BPTF: variants seen among roughly 807,000 people sequenced by gnomAD.
BPTF encodes nucleosome-remodeling factor subunit BPTF.
Under a neutral mutation model 292.5 loss-of-function variants are expected in BPTF, and 18 were observed. That is an observed-to-expected ratio of 0.06 (90% CI 0.04 to 0.09). The LOEUF is 0.09. Among genes scored for constraint, BPTF ranks in the 10% least tolerant of loss-of-function variants. The pLI is 1.00. For synonymous variants in BPTF, 1,225 were observed against 1,251.9 expected, an observed-to-expected ratio of 0.98 and a Z score of 0.45; for missense variants, 2,726 against 3,498.7, an observed-to-expected ratio of 0.78 and a Z score of 5.57.
chr17:67,878,546 T>C (rs535593667), intron 4 of BPTF, among the ~76,000 whole-genome samples: 4 of 152,152 alleles, frequency 2.6e-5, no homozygotes, highest in Non-Finnish European at 5.9e-5. Context: ...TTGCTAACAC[T>C]GGGTATCATC....
intron 4 of BPTF, chr17:67,886,424 T>A: frequency 2.7e-6 from 2 of 738,470 alleles, no homozygotes; most frequent in Non-Finnish European, 3.9e-6. Flanking sequence ...TTTTAGTTTT[T>A]AATTTTTTAA....
At position 67,893,355 on chromosome 17, in the gene BPTF, T is replaced by A; in HGVS notation, c.2056-15T>A. On this transcript the variant is annotated splice_polypyrimidine_tract_variant and intron_variant, in intron 5 of 27. Coordinates refer to ENST00000306378, the MANE Select transcript of BPTF (RefSeq NM_182641.4). ...ATTGACATAAATAATGCAGTCTTTT[T>A]ATTTTTTTGGTCAGGTACTGGTAGT... is the stretch of plus-strand genomic sequence containing the variant. 6.6e-7 allele frequency: 1 copy of A among 1,521,972 alleles called. No individual in the cohort carries two copies. Among genetic ancestry groups the A allele is most frequent in the South Asian group, 1.1e-5 (1 of 88,086 alleles). 94.3% of individuals were successfully genotyped at this position (1,521,972 alleles called of 1,614,324 possible). A position where few individuals can be genotyped will look rare whatever the true frequency, so the allele number is the denominator to read the frequency against.
chr17:67,932,392 A>G (rs2064476333), intron 18 of BPTF, among the ~76,000 whole-genome samples: 1 of 152,226 alleles, frequency 6.6e-6, no homozygotes, highest in Admixed American at 6.5e-5. Flanking sequence ...AATACATTAA[A>G]ACTACCATTT....
chr17:67,916,915 G>C (rs905812361), intron 11 of BPTF, among the ~76,000 whole-genome samples: 4 of 152,032 alleles, frequency 2.6e-5, no homozygotes, highest in Non-Finnish European at 5.9e-5. Context: ...TAAGTAGAGT[G>C]AAAATGTCAA....
chr17:67,839,608 AT>A lies in BPTF; in HGVS notation c.613+13272del, dbSNP rs552484360. Among the ~76,000 whole-genome samples the A allele has an allele frequency of 1.5e-3, 229 of 152,270 alleles. 1 individual carries two copies. The highest frequency in any genetic ancestry group is 5.3e-3 in the African/African-American group (220 of 41,558). On this transcript the variant is annotated intron_variant, in intron 1 of 27. Transcript: ENST00000306378. The stretch of plus-strand genomic sequence containing the variant: ...ACAGTGCATAATGTATTTGAGATTC[AT>A]CTATGTTGTTGTGTGTATCAGTAGT...
At chr17:67,963,823 C>A (rs2067742883) in intron 24 of BPTF, among the ~76,000 whole-genome samples, 2 of 152,090 alleles carry the variant, frequency 1.3e-5, no homozygotes, top group Admixed American at 1.3e-4. Flanking sequence ...TGAAATGGTG[C>A]TTTATTGTAG....
chr17:67,874,167 T>C (rs769526468), intron 3 of BPTF, among the ~76,000 whole-genome samples: 52 of 152,240 alleles, frequency 3.4e-4, no homozygotes, highest in Admixed American at 1.2e-3. Context: ...CGTACTGATA[T>C]ACCGTGTGTT....
intron 24 of BPTF, among the ~76,000 whole-genome samples, chr17:67,963,106 A>C (rs1282961841): frequency 1.1e-4 from 17 of 152,126 alleles, no homozygotes; most frequent in African/African-American, 4.1e-4. Context: ...TTCACTAAGC[A>C]GTGTACTTGT....
At chr17:67,936,205 T>TTTG (rs1022871562) in intron 18 of BPTF, among the ~76,000 whole-genome samples, 4 of 152,186 alleles carry the variant, frequency 2.6e-5, no homozygotes, top group Non-Finnish European at 4.4e-5. Context: ...AGCAGGGTTT[T>TTTG]TTGTTGTTGT....
chr17:67,962,621 G>A (rs1235581770), intron 24 of BPTF, among the ~76,000 whole-genome samples: 28 of 152,186 alleles, frequency 1.8e-4, no homozygotes, highest in African/African-American at 6.5e-4. Context: ...AGTTAGCCAG[G>A]CCACTGCCCA....
At chr17:67,907,842 G>A (rs1325300865) in intron 9 of BPTF, among the ~76,000 whole-genome samples, 1 of 152,072 alleles carries the variant, frequency 6.6e-6, no homozygotes, top group Non-Finnish European at 1.5e-5. Context: ...TTAATAATCT[G>A]ATTCTCAGTC....
intron 1 of BPTF, among the ~76,000 whole-genome samples, chr17:67,827,121 A>G (rs567635871): frequency 4.6e-5 from 7 of 152,282 alleles, no homozygotes; most frequent in Admixed American, 2.6e-4. Flanking sequence ...GCGCGTCTTA[A>G]CTCATTTGAT....
In BPTF at chr17:67,967,548, G is replaced by A. The variant is rs1431448731; in HGVS notation, c.8539+892G>A. 7.2e-5 allele frequency among the ~76,000 whole-genome samples: 11 copies of A among 152,106 alleles called. No individual in the cohort carries two copies. The East Asian group carries it at 1.2e-3, about 16-fold the overall frequency. ...TAATTACAAAAACATTGGAAATGGC[G>A]GGGTGGCTCACGCTGGAATCCCAGC... On this transcript the variant is annotated intron_variant, in intron 26 of 27. Transcript: ENST00000306378.
Position 67,854,400 on chromosome 17 carries a change from G to T in BPTF, c.1074G>T (p.Glu358Asp). 3 of 1,614,174 alleles carry T rather than the reference G, an allele frequency of 1.9e-6. No individual in the cohort carries two copies. Among genetic ancestry groups the T allele is most frequent in the Non-Finnish European group, 2.5e-6 (3 of 1,180,022 alleles). ...EAEDYPYGPV[E>D]NKIKVLQFLV... ...AGGACTACCCATATGGACCAGTAGA[G>T]AACAAGATCAAAGTTCTACAGTTTC... Residue 358 changes from glutamate to aspartate, a missense_variant, in exon 2 of 28, where the codon GAG (glutamate) becomes GAT (aspartate). This residue lies in a region of BPTF where 102 missense variants were observed against 212.6 expected (regional missense o/e 0.48). Transcript: ENST00000306378. The surrounding 1 kb of genome is among the most constrained non-coding windows in gnomAD (Gnocchi z 5.6).
At chr17:67,863,588 A>G (rs1215370277) in intron 2 of BPTF, among the ~76,000 whole-genome samples, 1 of 152,112 alleles carries the variant, frequency 6.6e-6, no homozygotes, top group Non-Finnish European at 1.5e-5. Flanking sequence ...CCGGCCCATT[A>G]CCTTCTTTTC....
intron 13 of BPTF, among the ~76,000 whole-genome samples, chr17:67,921,187 G>C (rs1286033323): frequency 2.2e-5 from 3 of 134,394 alleles, no homozygotes; most frequent in Non-Finnish European, 4.7e-5. Flanking sequence ...TCCAGTCTGG[G>C]TAACAGATTG....
At position 67,893,664 on chromosome 17, in the gene BPTF, A is replaced by G. The variant is rs542282351; in HGVS notation, c.2350A>G (p.Ile784Val). The G allele has an allele frequency of 1.6e-5, 25 of 1,612,104 alleles. No homozygotes were observed. The highest frequency in any genetic ancestry group is 3.3e-5 in the South Asian group (3 of 90,876). Residue 784 changes from isoleucine (I) to valine (V), a missense_variant, in exon 6 of 28, where the codon ATC becomes GTC. Physicochemically the swap from Ile to Val is conservative, Grantham distance 29. This residue lies in a region of BPTF where 99 missense variants were observed against 227.1 expected (regional missense o/e 0.44). Coordinates refer to ENST00000306378, the MANE Select transcript of BPTF (RefSeq NM_182641.4). ...VLTISTLRLTITQLENNIPSS... is the reference protein window; with the variant it reads ...VLTISTLRLTVTQLENNIPSS... The stretch of plus-strand genomic sequence containing the variant: ...TACCATATCTACTCTGAGACTGACT[A>G]TCACCCAATTAGAAAACAACATCCC...
chr17:67,971,883 T>G (rs1267802141), intron 26 of BPTF, among the ~76,000 whole-genome samples: 1 of 151,938 alleles, frequency 6.6e-6, no homozygotes, highest in Non-Finnish European at 1.5e-5. Context: ...TTGAACCAGC[T>G]TCCACTAATA....
In BPTF at chr17:67,874,828, G is replaced by A; in HGVS notation, c.1672G>A (p.Glu558Lys). Residue 558 changes from glutamate (E) to lysine (K), a missense_variant, in exon 4 of 28, where the codon GAA (glutamate) becomes AAA (lysine). Glu to Lys is a moderately conservative substitution (Grantham distance 56). This residue lies in a region of BPTF where 187 missense variants were observed against 201.5 expected (regional missense o/e 0.93). Transcript: ENST00000306378. ...FLAAANEEIL[E>K]SIRAKKGDID... The stretch of plus-strand genomic sequence containing the variant: ...TTTACACATTATAGAAGAAATTTTG[G>A]AATCCATAAGAGCCAAAAAGGGAGA... 1 of 1,604,254 alleles carries A rather than the reference G, an allele frequency of 6.2e-7. No individual in the cohort carries two copies. Among genetic ancestry groups the A allele is most frequent in the Non-Finnish European group, 8.5e-7 (1 of 1,177,380 alleles).
Sources: allele counts gnomAD v4.1 joint callset (sites outside exome capture counted in the v4.1 genomes callset), GRCh38; gene constraint gnomAD v4.1.1; regional missense constraint gnomAD v4.1.1; non-coding constraint Gnocchi (gnomAD v3.1); transcripts MANE v1.5; gene names NCBI Gene and HGNC (gene_info 2026-07-23, HGNC 2026-07-21).